ORMDL3: variants seen among roughly 807,000 people sequenced by gnomAD.
ORMDL3 encodes the protein ORMDL sphingolipid biosynthesis regulator 3.
In ORMDL3, 6 loss-of-function variants were observed where a neutral mutation model predicts 12.6. The observed-to-expected ratio is 0.48, with a 90% CI of 0.26 to 0.94. The LOEUF (loss-of-function observed/expected upper bound fraction) is 0.94. Ranked by LOEUF, ORMDL3 falls within the 40% of genes least tolerant of loss-of-function variation. The pLI, the probability that ORMDL3 is intolerant of heterozygous loss-of-function variation, is 0.14. For synonymous variants in ORMDL3, 99 were observed against 87.2 expected, an observed-to-expected ratio of 1.14 and a Z score of -0.75; for missense variants, 159 against 205.5, an observed-to-expected ratio of 0.77 and a Z score of 1.38.
chr17:39,924,790 C>T (rs1038384792), intron 1 of ORMDL3: 1 of 152,670 alleles, frequency 6.6e-6, no homozygotes, highest in African/African-American at 2.4e-5. Context: ...TCTCCCCAAA[C>T]CCCAACTTAG....
intron 2 of ORMDL3, 48 bp from the exon 3 acceptor site, chr17:39,923,311 C>T (rs934693702): frequency 1.3e-6 from 2 of 1,593,080 alleles, no homozygotes; most frequent in African/African-American, 1.3e-5. Context: ...AAAGGCCCCC[C>T]TGCCCAGCTC....
At position 39,921,524 on chromosome 17, in the gene ORMDL3, GCAGAGGACCA is replaced by G. The variant is rs2144740540; in HGVS notation, c.*1016_*1025del. 6.6e-6 allele frequency: 1 copy of G among 152,550 alleles called. No individual in the cohort carries two copies. The highest frequency in any genetic ancestry group is 2.4e-5 in the African/African-American group (1 of 41,554). The allele number at this position is 152,550 out of a possible 1,614,324, so 9.4% of individuals were successfully genotyped here. ...TGAGGAAGTTAAGGGGTGAGGGCCT[GCAGAGGACCA>G]CAGCACCCATCGTTTCTGTCACAGC... is the stretch of plus-strand genomic sequence containing the variant. On this transcript the variant is annotated 3_prime_UTR_variant, in exon 4 of 4. Coordinates refer to ENST00000304046, the MANE Select transcript of ORMDL3 (RefSeq NM_139280.4).
chr17:39,924,326 T>A (rs1256857556), intron 1 of ORMDL3, 101 bp from the exon 2 acceptor site: 5 of 1,057,450 alleles, frequency 4.7e-6, no homozygotes, highest in Non-Finnish European at 6.7e-6. Context: ...CCCTGAGAAC[T>A]CCAGGCAGTT....
chr17:39,924,569 C>T (rs1343679643), intron 1 of ORMDL3, among the ~76,000 whole-genome samples: 1 of 152,168 alleles, frequency 6.6e-6, no homozygotes, highest in African/African-American at 2.4e-5. Context: ...CCATGAGGAC[C>T]CTCTGCCGAC....
intron 3 of ORMDL3, 52 bp downstream of exon 3, chr17:39,923,060 C>T: frequency 1.2e-6 from 2 of 1,607,908 alleles, no homozygotes; most frequent in East Asian, 2.2e-5. Context: ...GCCCTGGGGT[C>T]CTCCAGGCCT....
intron 1 of ORMDL3, chr17:39,927,027 T>C (rs892844909): frequency 4.1e-6 from 4 of 980,966 alleles, no homozygotes; most frequent in Non-Finnish European, 4.8e-6. Flanking sequence ...GAACCCGCAC[T>C]AAGCACAGGA....
intron 3 of ORMDL3, 46 bp downstream of exon 3, chr17:39,923,066 G>A (rs901187497): frequency 1.2e-6 from 2 of 1,611,390 alleles, no homozygotes; most frequent in African/African-American, 2.7e-5. Flanking sequence ...GGGTCCTCCA[G>A]GCCTTGCCCT....
At position 39,923,202 on chromosome 17, in the gene ORMDL3, T is replaced by C; in HGVS notation, c.236A>G (p.Lys79Arg). 1 of 1,614,172 alleles carries C rather than the reference T, an allele frequency of 6.2e-7. No individual in the cohort carries two copies. Among genetic ancestry groups the C allele is most frequent in the Non-Finnish European group, 8.5e-7 (1 of 1,180,016 alleles). Residue 79 changes from lysine (K) to arginine (R), a missense_variant, in exon 3 of 4, where the codon AAG (lysine) becomes AGG (arginine). Physicochemically the swap from Lys to Arg is conservative, Grantham distance 26. Transcript: ENST00000304046. The part of the protein sequence containing the change: ...GTPFETPDQG[K>R]ARLLTHWEQM... ...CTCCCAGTGGGTTAGCAGCCTCGCC[T>C]TGCCCTGGTCCGGGGTCTCAAAGGG...
chr17:39,926,998 G>C (rs1001178786), intron 1 of ORMDL3: 3 of 985,706 alleles, frequency 3.0e-6, no homozygotes, highest in Non-Finnish European at 3.6e-6. Context: ...CGGTAGGAGC[G>C]GAAAGCGAGT....
intron 3 of ORMDL3, 114 bp downstream of exon 3, chr17:39,922,998 C>G: frequency 7.2e-7 from 1 of 1,385,430 alleles, no homozygotes; most frequent in Non-Finnish European, 1.0e-6. Context: ...TTCCAACTTC[C>G]TCTGTTCATC....
intron 1 of ORMDL3, 24 bp from the exon 2 acceptor site, chr17:39,924,249 G>C: frequency 6.4e-7 from 1 of 1,552,484 alleles, no homozygotes; most frequent in Non-Finnish European, 8.7e-7. Flanking sequence ...GCACAGGTCA[G>C]ACAGGTCACA....
chr17:39,923,447 T>C (rs1978314456), intron 2 of ORMDL3, among the ~76,000 whole-genome samples, 184 bp from the exon 3 acceptor site: 1 of 151,728 alleles, frequency 6.6e-6, no homozygotes, highest in African/African-American at 2.4e-5. Context: ...ACAAGGGGAC[T>C]CCCTGGGGGA....
At chr17:39,927,040 G>A in intron 1 of ORMDL3, 2 of 977,706 alleles carry the variant, frequency 2.0e-6, no homozygotes, top group Non-Finnish European at 2.4e-6. Context: ...GCACAGGAGA[G>A]GAGGAGCGAA....
chr17:39,923,241 G>A lies in ORMDL3; in HGVS notation c.197C>T (p.Thr66Met), dbSNP rs139204234. The change falls in exon 3 of 4, where the codon ACG becomes ATG. Residue 66 changes from threonine to methionine, a missense_variant. Physicochemically the swap from Thr to Met is moderately conservative, Grantham distance 81. Transcript: ENST00000304046. Reference sequence around the variant, plus strand: ...GGTCTCAAAGGGTGTCCCCTTCACCGTGTGCAGGAAGATATACATGCCCTG... The same window carrying A: ...GGTCTCAAAGGGTGTCCCCTTCACCATGTGCAGGAAGATATACATGCCCTG... ...HNMGMYIFLH[T>M]VKGTPFETPD... The A allele has an allele frequency of 8.3e-5, 134 of 1,614,040 alleles. No homozygotes were observed. The highest frequency in any genetic ancestry group is 3.0e-4 in the Admixed American group (18 of 60,004).
At position 39,923,204 on chromosome 17, in the gene ORMDL3, G is replaced by T. The variant is rs1568111934; in HGVS notation, c.234C>A (p.Gly78=). The T allele has an allele frequency of 6.2e-7, 1 of 1,614,068 alleles. No homozygotes were observed. The highest frequency in any genetic ancestry group is 1.3e-5 in the African/African-American group (1 of 74,940). ...KGTPFETPDQ[G]KARLLTHWEQ... ...CCCAGTGGGTTAGCAGCCTCGCCTT[G>T]CCCTGGTCCGGGGTCTCAAAGGGTG... is the stretch of plus-strand genomic sequence containing the variant. The change falls in exon 3 of 4, where the codon GGC becomes GGA. Residue 78 remains glycine, a synonymous_variant. Coordinates refer to ENST00000304046, the MANE Select transcript of ORMDL3 (RefSeq NM_139280.4).
chr17:39,927,528 C>T lies in ORMDL3; in HGVS notation c.-67G>A, dbSNP rs1280886938. On this transcript the variant is annotated 5_prime_UTR_variant, in exon 1 of 4. Transcript: ENST00000304046. ...ACGGCCCGGGAACGGTTCCCGGGAG[C>T]GGGGGCCGCTGCTGCTCCAGCAGCT... The T allele has an allele frequency of 2.0e-6, 2 of 985,312 alleles. No homozygotes were observed. The highest frequency in any genetic ancestry group is 4.7e-5 in the South Asian group (1 of 21,296). The allele number at this position is 985,312 out of a possible 1,614,324, so 61.0% of individuals were successfully genotyped here. A position where few individuals can be genotyped will look rare whatever the true frequency, so the allele number is the denominator to read the frequency against.
chr17:39,922,185 C>G lies in ORMDL3; in HGVS notation c.*365G>C, dbSNP rs1183149818. The G allele has an allele frequency of 1.1e-5, 2 of 183,200 alleles. No individual in the cohort carries two copies. Among genetic ancestry groups the G allele is most frequent in the Non-Finnish European group, 2.3e-5 (2 of 87,704 alleles). The allele number at this position is 183,200 out of a possible 1,614,324, so 11.3% of individuals were successfully genotyped here. A position where few individuals can be genotyped will look rare whatever the true frequency, so the allele number is the denominator to read the frequency against. Reference sequence around the variant, plus strand: ...CTATGCAGGGGTTAAAGTGCTTTGGCTGCCTGAGGGCAAACAAGTGAGCAG... The same window carrying G: ...CTATGCAGGGGTTAAAGTGCTTTGGGTGCCTGAGGGCAAACAAGTGAGCAG... On this transcript the variant is annotated 3_prime_UTR_variant, in exon 4 of 4. Transcript: ENST00000304046.
rs535595787 is a variant in ORMDL3 at position 39,923,986 on chromosome 17, A to AGGGCAG, written c.174+38_174+43dup. 4.0e-5 allele frequency: 61 copies of AGGGCAG among 1,532,766 alleles called. 1 individual carries two copies. The highest frequency in any genetic ancestry group is 6.8e-5 in the African/African-American group (5 of 73,034). 94.9% of individuals were successfully genotyped at this position (1,532,766 alleles called of 1,614,324 possible). Reference sequence around the variant, plus strand: ...TCAGCCCTGCCAAAGGGCAGCCCACAGGGCAGGGGCAGGGGCAGGGGCAGG... The same window carrying AGGGCAG: ...TCAGCCCTGCCAAAGGGCAGCCCACAGGGCAGGGGCAGGGGCAGGGGCAGGGGCAGG... On this transcript the variant is annotated intron_variant, in intron 2 of 3. Coordinates refer to ENST00000304046, the MANE Select transcript of ORMDL3 (RefSeq NM_139280.4).
chr17:39,926,889 C>A lies in ORMDL3; in HGVS notation c.-23+595G>T, dbSNP rs183725110. On this transcript the variant is annotated intron_variant, in intron 1 of 3. Coordinates refer to ENST00000304046, the MANE Select transcript of ORMDL3 (RefSeq NM_139280.4). ...GACCCCAACGGGGAGTCCGGGGCAG[C>A]ACGTCACAATGCCATGTCCATTCCG... 2,148 of 986,272 alleles carry A rather than the reference C, an allele frequency of 2.2e-3. 23 individuals carry two copies. In the African/African-American group the frequency reaches 0.028, roughly 13 times the overall value. The allele number at this position is 986,272 out of a possible 1,614,324, so 61.1% of individuals were successfully genotyped here. A position where few individuals can be genotyped will look rare whatever the true frequency, so the allele number is the denominator to read the frequency against.
Sources: gnomAD v4.1 joint callset for allele counts (sites outside exome capture counted in the v4.1 genomes callset) on GRCh38, gnomAD v4.1.1 for gene constraint, MANE v1.5 for transcripts, NCBI Gene and HGNC (gene_info 2026-07-23, HGNC 2026-07-21) for gene names.